MAPRE2: variants seen among roughly 807,000 people sequenced by gnomAD.
MAPRE2 encodes microtubule associated protein RP/EB family member 2, also known as microtubule-associated protein RP/EB family member 2.
In MAPRE2, 13 loss-of-function variants were observed where a neutral mutation model predicts 43.2. The observed-to-expected ratio is 0.30, with a 90% CI of 0.20 to 0.48. MAPRE2 has a LOEUF of 0.48. MAPRE2 is among the 20% of genes least tolerant of loss of function. The pLI, the probability that MAPRE2 is intolerant of heterozygous loss-of-function variation, is 0.99. For missense variants in MAPRE2, 161 were observed against 400.2 expected (o/e 0.40, Z 5.10); for synonymous variants, 135 against 148.8 (o/e 0.91, Z 0.68).
chr18:35,030,898 T>C (rs140458633), intron 2 of MAPRE2, among the ~76,000 whole-genome samples: 1 of 152,330 alleles, frequency 6.6e-6, no homozygotes, highest in Non-Finnish European at 1.5e-5. Context: ...CAAATCATGC[T>C]CCTACCTCAG....
intron 2 of MAPRE2, among the ~76,000 whole-genome samples, chr18:35,074,220 G>C (rs1239135111): frequency 6.6e-6 from 1 of 152,152 alleles, no homozygotes; most frequent in Non-Finnish European, 1.5e-5. Flanking sequence ...GTATCAGATT[G>C]GTTCAGCTTA....
At chr18:35,054,671 A>G (rs1906126953) in intron 1 of MAPRE2, among the ~76,000 whole-genome samples, 1 of 152,176 alleles carries the variant, frequency 6.6e-6, no homozygotes, top group Non-Finnish European at 1.5e-5. Context: ...ACGATGGCCA[A>G]GGATGTGTGG....
At chr18:35,003,778 T>G (rs2097030500) in intron 1 of MAPRE2, among the ~76,000 whole-genome samples, 1 of 152,202 alleles carries the variant, frequency 6.6e-6, no homozygotes, top group Non-Finnish European at 1.5e-5. Context: ...TCTGGAAAAT[T>G]GAAGGACTTA....
chr18:35,037,846 A>G (rs150838018), upstream of MAPRE2, among the ~76,000 whole-genome samples: 1,118 of 152,226 alleles, frequency 7.3e-3, 18 homozygotes, highest in African/African-American at 0.026. Flanking sequence ...TCCTTTCCCC[A>G]GCCCCTCTGC....
At chr18:35,048,704 T>G (rs1398735186) in intron 1 of MAPRE2, among the ~76,000 whole-genome samples, 2 of 149,140 alleles carry the variant, frequency 1.3e-5, no homozygotes, top group Non-Finnish European at 3.0e-5. Context: ...TATATACTAT[T>G]ATATATAGTG....
chr18:35,062,581 G>C (rs1003325736), intron 1 of MAPRE2, among the ~76,000 whole-genome samples: 2 of 152,200 alleles, frequency 1.3e-5, no homozygotes, highest in Non-Finnish European at 1.5e-5. Flanking sequence ...AGAACTGACA[G>C]TGTGGCCTTG....
intron 1 of MAPRE2, among the ~76,000 whole-genome samples, chr18:35,055,048 A>G (rs1033721554): frequency 2.6e-5 from 4 of 152,236 alleles, no homozygotes; most frequent in African/African-American, 7.2e-5. Context: ...ATGTGAAGAA[A>G]ATATGAAAAA....
At chr18:35,082,516 A>G (rs1201821783) in intron 2 of MAPRE2, among the ~76,000 whole-genome samples, 1 of 151,966 alleles carries the variant, frequency 6.6e-6, no homozygotes, top group Non-Finnish European at 1.5e-5. Context: ...CCTCAAACGC[A>G]CGTTTCACTT....
Position 35,063,999 on chromosome 18 carries a change from TTAAAA to T in MAPRE2, c.123-6195_123-6191del, listed in dbSNP as rs1264008709. ...GACTGCCGAGTGAGACCCTGTCTCT[TTAAAA>T]AAAAAAAAAAAAAAAAAAAAAAAAA... On this transcript the variant is annotated intron_variant, in intron 1 of 6. Transcript: ENST00000300249. 2.6e-4 allele frequency among the ~76,000 whole-genome samples: 16 copies of T among 60,692 alleles called. 1 individual carries two copies. Among genetic ancestry groups the T allele is most frequent in the Admixed American group, 2.0e-4 (1 of 4,970 alleles). The allele number at this position is 60,692 out of a possible 152,430, so 39.8% of individuals were successfully genotyped here.
intron 1 of MAPRE2, among the ~76,000 whole-genome samples, chr18:35,002,013 CA>C (rs2097029625): frequency 6.6e-6 from 1 of 152,134 alleles, no homozygotes; most frequent in East Asian, 1.9e-4. Flanking sequence ...TTGATGTCAA[CA>C]CAATCAAGGT....
chr18:35,110,283 AAACTT>A (rs573772911), intron 4 of MAPRE2, among the ~76,000 whole-genome samples: 39 of 152,302 alleles, frequency 2.6e-4, no homozygotes, highest in African/African-American at 9.1e-4. Context: ...TGAATTTAGA[AAACTT>A]AGTATGAGAA....
intron 6 of MAPRE2, among the ~76,000 whole-genome samples, chr18:35,136,903 T>G (rs186142369): frequency 6.0e-4 from 92 of 152,390 alleles, no homozygotes; most frequent in South Asian, 3.1e-3. Flanking sequence ...GTGAATAGAT[T>G]GATACGCACA....
At chr18:35,137,753 C>G (rs937692439) in intron 6 of MAPRE2, among the ~76,000 whole-genome samples, 5 of 152,066 alleles carry the variant, frequency 3.3e-5, no homozygotes, top group Non-Finnish European at 5.9e-5. Flanking sequence ...AGAACACACG[C>G]GGGACTGTGG....
chr18:35,103,835 G>A (rs529330332), intron 4 of MAPRE2, among the ~76,000 whole-genome samples: 6 of 152,116 alleles, frequency 3.9e-5, no homozygotes, highest in Non-Finnish European at 8.8e-5. Flanking sequence ...GCCTGAAAGA[G>A]TTCATTAGAT....
At chr18:35,029,627 ATCT>A (rs1568976605) in intron 2 of MAPRE2, among the ~76,000 whole-genome samples, 1 of 152,194 alleles carries the variant, frequency 6.6e-6, no homozygotes, top group Non-Finnish European at 1.5e-5. Flanking sequence ...CCCTAAGGAA[ATCT>A]TCTCTGGGAA....
At chr18:34,988,214 C>T (rs893202918) in intron 1 of MAPRE2, among the ~76,000 whole-genome samples, 9 of 152,112 alleles carry the variant, frequency 5.9e-5, no homozygotes, top group African/African-American at 2.2e-4. Flanking sequence ...CCAAACTATT[C>T]TTGTGAAATT....
At chr18:35,119,117 C>T (rs754402581) in intron 4 of MAPRE2, among the ~76,000 whole-genome samples, 11 of 152,172 alleles carry the variant, frequency 7.2e-5, no homozygotes, top group East Asian at 5.8e-4. Context: ...TCTCGCCTCC[C>T]GTGTCTGTGC....
chr18:35,130,555 C>A (rs1248786794), intron 5 of MAPRE2, among the ~76,000 whole-genome samples: 1 of 151,846 alleles, frequency 6.6e-6, no homozygotes, highest in Non-Finnish European at 1.5e-5. Flanking sequence ...TACACAAAGG[C>A]CCAGAATTAT....
intron 2 of MAPRE2, among the ~76,000 whole-genome samples, chr18:35,013,703 T>G (rs2097036297): frequency 6.6e-6 from 1 of 152,108 alleles, no homozygotes; most frequent in Non-Finnish European, 1.5e-5. Flanking sequence ...TAGTATCCTG[T>G]CTTCTACTTT....
Sources: gnomAD v4.1 joint callset for allele counts (sites outside exome capture counted in the v4.1 genomes callset) on GRCh38, gnomAD v4.1.1 for gene constraint, MANE v1.5 for transcripts, NCBI Gene and HGNC (gene_info 2026-07-23, HGNC 2026-07-21) for gene names.